CARNMT1: variants seen among roughly 807,000 people sequenced by gnomAD.
CARNMT1 encodes carnosine N-methyltransferase 1.
A neutral mutation model predicts 49.6 loss-of-function variants in CARNMT1; 28 were observed. That is an observed-to-expected ratio of 0.56 (90% CI 0.42 to 0.77). The LOEUF (loss-of-function observed/expected upper bound fraction) is 0.77, where lower values mean the gene tolerates loss of function less well. Ranked by LOEUF, CARNMT1 falls within the 30% of genes least tolerant of loss-of-function variation. CARNMT1 has a pLI of 0.00. For synonymous variants in CARNMT1, 178 were observed against 175.0 expected (o/e 1.02, Z -0.13); for missense variants, 421 against 512.6 (o/e 0.82, Z 1.73).
chr9:75,016,064 C>T, intron 3 of CARNMT1: 3 of 418,656 alleles, frequency 7.2e-6, no homozygotes, highest in Non-Finnish European at 8.4e-6. Flanking sequence ...AAGTAATTTC[C>T]CCTAAGCACC....
chr9:75,027,883 C>T, intron 1 of CARNMT1, 129 bp downstream of exon 1: 1 of 1,073,166 alleles, frequency 9.3e-7, no homozygotes, highest in Non-Finnish European at 1.3e-6. Context: ...CGGAGGTCAG[C>T]TGCAGCAGCC....
intron 4 of CARNMT1, 27 bp downstream of exon 4, chr9:74,999,703 A>T: frequency 6.3e-7 from 1 of 1,582,336 alleles, no homozygotes; most frequent in East Asian, 2.2e-5. Context: ...AGAAATTACT[A>T]TTTCCAGCAA....
At chr9:75,003,163 C>G (rs568633911) in intron 3 of CARNMT1, among the ~76,000 whole-genome samples, 3 of 152,140 alleles carry the variant, frequency 2.0e-5, no homozygotes, top group Non-Finnish European at 2.9e-5. Flanking sequence ...TCTCACTGAT[C>G]CCAGAAGACT....
intron 6 of CARNMT1, among the ~76,000 whole-genome samples, chr9:74,995,305 C>CA (rs1833154188): frequency 6.6e-6 from 1 of 152,138 alleles, no homozygotes; most frequent in Non-Finnish European, 1.5e-5. Context: ...TAAGTCTCTT[C>CA]AACTATAACA....
chr9:75,025,466 T>C (rs1822497248), intron 1 of CARNMT1, among the ~76,000 whole-genome samples: 1 of 152,236 alleles, frequency 6.6e-6, no homozygotes, highest in African/African-American at 2.4e-5. Flanking sequence ...TTTATCTCAA[T>C]TGCAAATAGC....
chr9:75,011,582 G>A (rs1833692101), intron 3 of CARNMT1, among the ~76,000 whole-genome samples: 2 of 152,052 alleles, frequency 1.3e-5, no homozygotes, highest in Admixed American at 6.5e-5. Flanking sequence ...TGCCCAAGTT[G>A]GTCTTGAATT....
chr9:75,021,268 G>A (rs1221408737), intron 1 of CARNMT1, among the ~76,000 whole-genome samples: 3 of 130,202 alleles, frequency 2.3e-5, no homozygotes, highest in Non-Finnish European at 5.1e-5. Context: ...TAGTATATAT[G>A]TATATATACA....
chr9:75,027,265 A>C (rs1160960123), intron 1 of CARNMT1: 1 of 573,928 alleles, frequency 1.7e-6, no homozygotes, highest in Non-Finnish European at 2.2e-6. Flanking sequence ...TGTTTTTATG[A>C]ATGAGGAGCA....
In CARNMT1 at chr9:74,983,862, T is replaced by C. The variant is rs1421858427; in HGVS notation, c.1135A>G (p.Lys379Glu). 1 of 1,591,594 alleles carries C rather than the reference T, an allele frequency of 6.3e-7. No homozygotes were observed. The highest frequency in any genetic ancestry group is 1.1e-5 in the South Asian group (1 of 87,492). ...LQYGFKVEVE[K>E]ESVLSTYTVN... ...GTATATGTTGACAATACAGATTCTTTTTCCACCTGCAATGCAAACAATAAT... is the reference window on the plus strand; with the variant it reads ...GTATATGTTGACAATACAGATTCTTCTTCCACCTGCAATGCAAACAATAAT... Residue 379 changes from lysine (K) to glutamate (E), a missense_variant, in exon 8 of 8, where the codon AAA becomes GAA. Lys to Glu is a moderately conservative substitution (Grantham distance 56). This residue lies in a region of CARNMT1 where 235 missense variants were observed against 344.8 expected (regional missense o/e 0.68). Transcript: ENST00000376834.
At chr9:75,023,413 T>C (rs1055975612) in intron 1 of CARNMT1, among the ~76,000 whole-genome samples, 2 of 152,206 alleles carry the variant, frequency 1.3e-5, no homozygotes, top group Non-Finnish European at 2.9e-5. Context: ...AGACTACTTA[T>C]CACCAAGTAA....
intron 6 of CARNMT1, chr9:74,991,714 A>G (rs1022404060): frequency 1.4e-4 from 21 of 152,128 alleles, no homozygotes; most frequent in African/African-American, 4.8e-4. Flanking sequence ...TGTTCAATAT[A>G]TACAGATTTT....
At chr9:74,988,042 C>G (rs185009372) in intron 6 of CARNMT1, among the ~76,000 whole-genome samples, 56 of 152,118 alleles carry the variant, frequency 3.7e-4, no homozygotes, top group African/African-American at 1.3e-3. Flanking sequence ...TTTCTCAACT[C>G]TCATGTCTCT....
In CARNMT1 at chr9:75,028,174, C is replaced by G. The variant is rs1223634099; in HGVS notation, c.68G>C (p.Gly23Ala). ...CTGCACTTCCACCTCCTCGCTGCCACCGCCTCCTCCCCCGCAGCCCTCGGG... is the reference window on the plus strand; with the variant it reads ...CTGCACTTCCACCTCCTCGCTGCCAGCGCCTCCTCCCCCGCAGCCCTCGGG... ...RLPEGCGGGG[G>A]GSEEVEVQFS... Residue 23 changes from glycine to alanine, a missense_variant, in exon 1 of 8, where the codon GGT becomes GCT. Physicochemically the swap from Gly to Ala is moderately conservative, Grantham distance 60. Transcript: ENST00000376834. 1.3e-6 allele frequency: 2 copies of G among 1,520,896 alleles called. No individual in the cohort carries two copies. The highest frequency in any genetic ancestry group is 1.8e-6 in the Non-Finnish European group (2 of 1,135,384). The allele number at this position is 1,520,896 out of a possible 1,614,324, so 94.2% of individuals were successfully genotyped here. A position where few individuals can be genotyped will look rare whatever the true frequency, so the allele number is the denominator to read the frequency against.
rs1832714361 is a variant in CARNMT1, at chr9:74,982,449, T to C, written c.*1318A>G. 3 of 152,058 alleles carry C rather than the reference T, an allele frequency of 2.0e-5. No homozygotes were observed. In the South Asian group the frequency reaches 6.2e-4, roughly 31 times the overall value. The allele number at this position is 152,058 out of a possible 1,614,324, so 9.4% of individuals were successfully genotyped here. The stretch of plus-strand genomic sequence containing the variant: ...TACATTAAAAAATACAAAGGAAAAC[T>C]CCCTCCAATAAAGATCTGCTAGAGG... On this transcript the variant is annotated 3_prime_UTR_variant, in exon 8 of 8. Coordinates refer to ENST00000376834, the MANE Select transcript of CARNMT1 (RefSeq NM_152420.3).
At chr9:75,013,732 A>T (rs1833765097) in intron 3 of CARNMT1, among the ~76,000 whole-genome samples, 2 of 152,152 alleles carry the variant, frequency 1.3e-5, no homozygotes, top group South Asian at 2.1e-4. Context: ...GGCCAGGCAC[A>T]GTGGTTTATG....
chr9:75,000,345 A>AT, intron 3 of CARNMT1, among the ~76,000 whole-genome samples: 1 of 152,304 alleles, frequency 6.6e-6, no homozygotes, highest in East Asian at 1.9e-4. Context: ...TGTGTCAGGT[A>AT]TATCTCTAAA....
chr9:75,027,901 G>C (rs966596767), intron 1 of CARNMT1, 111 bp downstream of exon 1: 7 of 1,230,864 alleles, frequency 5.7e-6, no homozygotes, highest in Middle Eastern at 2.8e-4. Context: ...GCCGGGTCCC[G>C]ACGCCTCGGA....
Position 74,982,542 on chromosome 9 carries a change from A to T in CARNMT1, c.*1225T>A, listed in dbSNP as rs1410067901. The T allele has an allele frequency of 2.0e-5, 3 of 152,358 alleles. No individual in the cohort carries two copies. Among genetic ancestry groups the T allele is most frequent in the Admixed American group, 1.3e-4 (2 of 15,300 alleles). The allele number at this position is 152,358 out of a possible 1,614,324, so 9.4% of individuals were successfully genotyped here. On this transcript the variant is annotated 3_prime_UTR_variant, in exon 8 of 8. Transcript: ENST00000376834. The stretch of plus-strand genomic sequence containing the variant: ...AGGGAACAAAATTGGTATTAATCTG[A>T]AATTACATGATGGCTGCTGCTTACA...
intron 1 of CARNMT1, among the ~76,000 whole-genome samples, chr9:75,020,389 T>TC (rs1266618437): frequency 3.3e-5 from 5 of 149,590 alleles, no homozygotes; most frequent in Admixed American, 6.7e-5. Flanking sequence ...TGCCTCAGCC[T>TC]CCCGAGTAGC....
Sources: allele counts gnomAD v4.1 joint callset (sites outside exome capture counted in the v4.1 genomes callset), GRCh38; gene constraint gnomAD v4.1.1; regional missense constraint gnomAD v4.1.1; transcripts MANE v1.5; gene names NCBI Gene and HGNC (gene_info 2026-07-23, HGNC 2026-07-21).